The following PLEKHG1 variants were observed in gnomAD, a reference collection of about 807,000 sequenced individuals.
PLEKHG1 encodes the protein pleckstrin homology and RhoGEF domain containing G1.
A neutral mutation model predicts 100.8 loss-of-function variants in PLEKHG1; 44 were observed. The ratio of observed to expected loss-of-function variants is 0.44; its 90% CI spans 0.34 to 0.56. The LOEUF is 0.56. Among genes scored for constraint, PLEKHG1 ranks in the 20% least tolerant of loss-of-function variants. PLEKHG1 has a pLI of 0.01. For synonymous variants in PLEKHG1, 640 were observed against 662.5 expected, an observed-to-expected ratio of 0.97 and a Z score of 0.52; for missense variants, 1,545 against 1,720.9, an observed-to-expected ratio of 0.90 and a Z score of 1.81.
chr6:150,726,605 C>T (rs1781975842), intron 1 of PLEKHG1, among the ~76,000 whole-genome samples: 2 of 152,052 alleles, frequency 1.3e-5, no homozygotes, highest in Non-Finnish European at 2.9e-5. Flanking sequence ...CTTATTTAAC[C>T]TTGGTTAAAG....
intron 15 of PLEKHG1, among the ~76,000 whole-genome samples, chr6:150,836,759 G>A (rs1391903078): frequency 1.3e-5 from 2 of 151,542 alleles, no homozygotes; most frequent in East Asian, 3.9e-4. Flanking sequence ...GGAGTCTGAG[G>A]CTGCAGTGAG....
chr6:150,749,728 T>C (rs926786344), intron 2 of PLEKHG1, among the ~76,000 whole-genome samples: 4 of 152,184 alleles, frequency 2.6e-5, no homozygotes, highest in Non-Finnish European at 4.4e-5. Flanking sequence ...TACATAAATT[T>C]ACTTGTATTC....
intron 3 of PLEKHG1, among the ~76,000 whole-genome samples, chr6:150,709,952 A>AT (rs71668966): frequency 1.3e-5 from 2 of 151,756 alleles, no homozygotes; most frequent in Non-Finnish European, 1.5e-5. Context: ...CACCCAGCTA[A>AT]TTTTTTTTAT....
At chr6:150,806,293 A>G (rs931120338) in intron 7 of PLEKHG1, among the ~76,000 whole-genome samples, 1 of 138,030 alleles carries the variant, frequency 7.2e-6, no homozygotes, top group Non-Finnish European at 1.5e-5. Context: ...AGTGTTTTGC[A>G]GACATAATGT....
chr6:150,663,456 A>G (rs1562420340), intron 3 of PLEKHG1: 1 of 151,802 alleles, frequency 6.6e-6, no homozygotes, highest in Admixed American at 6.6e-5. Context: ...ATGAAGACAT[A>G]CTCTAAAGTT....
chr6:150,822,119 G>C (rs1161118608), intron 13 of PLEKHG1, among the ~76,000 whole-genome samples: 2 of 137,980 alleles, frequency 1.4e-5, no homozygotes, highest in African/African-American at 5.6e-5. Flanking sequence ...GGGATTACAG[G>C]CGTGAGCCAC....
At chr6:150,694,529 G>A (rs571169007) in intron 3 of PLEKHG1, among the ~76,000 whole-genome samples, 2 of 151,898 alleles carry the variant, frequency 1.3e-5, no homozygotes, top group African/African-American at 2.4e-5. Flanking sequence ...GTGAAACCCC[G>A]TCTCTACTAA....
Position 150,733,844 on chromosome 6 carries a change from G to C in PLEKHG1, c.163G>C (p.Glu55Gln), listed in dbSNP as rs758316318. Residue 55 changes from glutamate to glutamine, a missense_variant, in exon 2 of 16, where the codon GAG (glutamate) becomes CAG (glutamine). Physicochemically the swap from Glu to Gln is conservative, Grantham distance 29 (BLOSUM62 2). Coordinates refer to ENST00000358517, the Ensembl canonical transcript of PLEKHG1. Reference sequence around the variant, plus strand: ...TAAGGAGGTAGGGGCCATAAAACTGGAGCTGATTCCTGCCAGGCCGTTTTC... The same window carrying C: ...TAAGGAGGTAGGGGCCATAAAACTGCAGCTGATTCCTGCCAGGCCGTTTTC... 1.2e-6 allele frequency: 2 copies of C among 1,614,046 alleles called. No homozygotes were observed. The highest frequency in any genetic ancestry group is 1.7e-5 in the Admixed American group (1 of 60,004).
At chr6:150,811,659 G>A (rs1258005655) in intron 10 of PLEKHG1, among the ~76,000 whole-genome samples, 2 of 150,010 alleles carry the variant, frequency 1.3e-5, no homozygotes, top group Admixed American at 6.6e-5. Flanking sequence ...AAGAGAGAAT[G>A]TATGCGCTGT....
intron 4 of PLEKHG1, among the ~76,000 whole-genome samples, chr6:150,795,011 G>A (rs1786231204): frequency 6.6e-6 from 1 of 152,022 alleles, no homozygotes; most frequent in South Asian, 2.1e-4. Flanking sequence ...ACCACATTAA[G>A]TGGTCTAAAA....
chr6:150,825,838 G>A (rs960952585), intron 14 of PLEKHG1, among the ~76,000 whole-genome samples: 2 of 152,156 alleles, frequency 1.3e-5, no homozygotes, highest in Non-Finnish European at 2.9e-5. Flanking sequence ...GTTCTTAAAA[G>A]TGCTTATTAA....
chr6:150,757,837 C>T (rs1783930381), intron 2 of PLEKHG1, among the ~76,000 whole-genome samples: 1 of 152,186 alleles, frequency 6.6e-6, no homozygotes, highest in Non-Finnish European at 1.5e-5. Flanking sequence ...AGCTATTCTT[C>T]CTGATGCTCT....
chr6:150,768,178 T>C (rs1183922367), intron 2 of PLEKHG1, among the ~76,000 whole-genome samples: 1 of 152,196 alleles, frequency 6.6e-6, no homozygotes, highest in Non-Finnish European at 1.5e-5. Context: ...TGAAAAAGAA[T>C]TTGGTTCTAT....
chr6:150,682,962 C>T (rs1779985810), intron 3 of PLEKHG1, among the ~76,000 whole-genome samples: 1 of 152,208 alleles, frequency 6.6e-6, no homozygotes, highest in Non-Finnish European at 1.5e-5. Flanking sequence ...AGACTCCTCC[C>T]TGACGTTATA....
chr6:150,742,735 C>T (rs1290905947), intron 2 of PLEKHG1, among the ~76,000 whole-genome samples: 12 of 152,080 alleles, frequency 7.9e-5, no homozygotes, highest in South Asian at 2.1e-4. Flanking sequence ...GAGGTTTGGG[C>T]GGGGACACAG....
In PLEKHG1 at chr6:150,737,417, G is replaced by A. The variant is rs1049160001; in HGVS notation, c.411+3325G>A. Among the ~76,000 whole-genome samples, 7 of 149,722 alleles carry A rather than the reference G, an allele frequency of 4.7e-5. No homozygotes were observed. In the South Asian group the frequency reaches 8.6e-4, roughly 18 times the overall value. The stretch of plus-strand genomic sequence containing the variant: ...CGCCATTCTCCTGCCTCAGCCTCCC[G>A]AGTAGCTGGGACTATAGGCGCCCGC... On this transcript the variant is annotated intron_variant, in intron 2 of 15. Coordinates refer to ENST00000358517, the Ensembl canonical transcript of PLEKHG1.
chr6:150,683,936 G>A lies in PLEKHG1; in HGVS notation c.-99+33150G>A, dbSNP rs1057474308. 2 of 629,306 alleles carry A rather than the reference G, an allele frequency of 3.2e-6. No homozygotes were observed. Among genetic ancestry groups the A allele is most frequent in the Non-Finnish European group, 2.4e-6 (1 of 420,510 alleles). The allele number at this position is 629,306 out of a possible 1,614,324, so 39.0% of individuals were successfully genotyped here. ...ACCTGCAGCCAGGGTGGTGGCAAGGGCAGTGGCAAGTAGTGGGTTTCATGG... is the reference window on the plus strand; with the variant it reads ...ACCTGCAGCCAGGGTGGTGGCAAGGACAGTGGCAAGTAGTGGGTTTCATGG... On this transcript the variant is annotated intron_variant, in intron 3 of 3. Coordinates refer to the PLEKHG1 transcript ENST00000367326. The surrounding 1 kb of genome is among the most constrained non-coding windows in gnomAD (Gnocchi z 4.0).
At chr6:150,793,079 T>C (rs1428529431) in intron 4 of PLEKHG1, among the ~76,000 whole-genome samples, 1 of 152,196 alleles carries the variant, frequency 6.6e-6, no homozygotes, top group Non-Finnish European at 1.5e-5. Context: ...TGCATGACGC[T>C]GGAGAACCAA....
intron 3 of PLEKHG1, among the ~76,000 whole-genome samples, chr6:150,676,166 A>G (rs1473757977): frequency 6.6e-6 from 1 of 152,246 alleles, no homozygotes; most frequent in East Asian, 1.9e-4. Flanking sequence ...TTTTAGAACT[A>G]GAACGTAATG....
Sources: gnomAD v4.1 joint callset for allele counts (sites outside exome capture counted in the v4.1 genomes callset) on GRCh38, gnomAD v4.1.1 for gene constraint, Gnocchi (gnomAD v3.1) non-coding constraint, MANE v1.5 for transcripts, NCBI Gene and HGNC (gene_info 2026-07-23, HGNC 2026-07-21) for gene names.